Variants in EPB41L5 observed in about 807,000 individuals in gnomAD.
EPB41L5 encodes erythrocyte membrane protein band 4.1 like 5.
In EPB41L5, 55 loss-of-function variants were observed where a neutral mutation model predicts 106.6. That is an observed-to-expected ratio of 0.52 (90% CI 0.42 to 0.65). The LOEUF (loss-of-function observed/expected upper bound fraction) is 0.65. Ranked by LOEUF, EPB41L5 falls within the 30% of genes least tolerant of loss-of-function variation. EPB41L5 has a pLI of 0.00. For synonymous variants in EPB41L5, 297 were observed against 306.7 expected (o/e 0.97, Z 0.33); for missense variants, 871 against 882.1 (o/e 0.99, Z 0.16).
chr2:120,033,799 A>G (rs1414780057), intron 2 of EPB41L5, among the ~76,000 whole-genome samples: 1 of 151,688 alleles, frequency 6.6e-6, no homozygotes, highest in Admixed American at 6.6e-5. Flanking sequence ...CCTAAAATAG[A>G]TTGTGCATTG....
intron 10 of EPB41L5, among the ~76,000 whole-genome samples, chr2:120,083,754 T>C (rs533558958): frequency 6.6e-6 from 1 of 152,228 alleles, no homozygotes; most frequent in African/African-American, 2.4e-5. Flanking sequence ...TGTAGGTCTC[T>C]AAGCACTTGC....
At chr2:120,026,382 T>C (rs1333915401) in intron 2 of EPB41L5, among the ~76,000 whole-genome samples, 1 of 151,990 alleles carries the variant, frequency 6.6e-6, no homozygotes, top group African/African-American at 2.4e-5. Flanking sequence ...TGTTTGTTTG[T>C]TTTTGATACG....
chr2:120,082,304 G>A (rs1682730090), intron 10 of EPB41L5, among the ~76,000 whole-genome samples: 1 of 152,154 alleles, frequency 6.6e-6, no homozygotes, highest in Admixed American at 6.5e-5. Context: ...AATTTATTGA[G>A]AGTTTTTACC....
chr2:120,055,107 C>T (rs926770097), intron 3 of EPB41L5, among the ~76,000 whole-genome samples: 2 of 152,148 alleles, frequency 1.3e-5, no homozygotes, highest in African/African-American at 4.8e-5. Context: ...AGGCAATCCG[C>T]CTGCCTCGGC....
intron 20 of EPB41L5, 39 bp downstream of exon 20, chr2:120,146,328 A>G (rs202219524): frequency 2.1e-6 from 3 of 1,458,336 alleles, no homozygotes; most frequent in African/African-American, 2.8e-5. Context: ...TGATGTTCTT[A>G]TCTATCTTTG....
At chr2:120,118,436 T>C (rs370883158) in intron 16 of EPB41L5, among the ~76,000 whole-genome samples, 1 of 152,168 alleles carries the variant, frequency 6.6e-6, no homozygotes, top group African/African-American at 2.4e-5. Context: ...CCATGGTGTT[T>C]TGCTGCACAG....
intron 16 of EPB41L5, among the ~76,000 whole-genome samples, chr2:120,116,167 C>G (rs1684938750): frequency 6.6e-6 from 1 of 152,132 alleles, no homozygotes; most frequent in Non-Finnish European, 1.5e-5. Context: ...ACATTAAATA[C>G]CAATTTAATG....
chr2:120,080,911 C>T (rs1158977816), intron 10 of EPB41L5, among the ~76,000 whole-genome samples: 3 of 151,956 alleles, frequency 2.0e-5, no homozygotes, highest in South Asian at 4.1e-4. Context: ...TCTTCTTTTG[C>T]GAAATGTCTG....
At chr2:120,116,404 C>T (rs1174032841) in intron 16 of EPB41L5, among the ~76,000 whole-genome samples, 1 of 152,120 alleles carries the variant, frequency 6.6e-6, no homozygotes, top group Non-Finnish European at 1.5e-5. Context: ...GTCTTCTGCA[C>T]CAATCTGGTT....
chr2:120,097,401 G>A (rs1574658819), intron 14 of EPB41L5, among the ~76,000 whole-genome samples: 2 of 152,190 alleles, frequency 1.3e-5, no homozygotes, highest in South Asian at 4.1e-4. Context: ...GTTTGAAAAG[G>A]CACAACTATT....
intron 2 of EPB41L5, among the ~76,000 whole-genome samples, chr2:120,034,465 A>G (rs1454070732): frequency 6.6e-6 from 1 of 152,236 alleles, no homozygotes; most frequent in Non-Finnish European, 1.5e-5. Context: ...AGATGAATTC[A>G]GCAGAAGACT....
At chr2:120,150,490 T>C (rs1686622910) in intron 20 of EPB41L5, among the ~76,000 whole-genome samples, 2 of 151,086 alleles carry the variant, frequency 1.3e-5, no homozygotes, top group Admixed American at 6.6e-5. Context: ...CCCAGCTAAT[T>C]TAAAAAAAAA....
chr2:120,075,673 G>T, intron 6 of EPB41L5, 28 bp from the exon 7 acceptor site: 2 of 1,597,592 alleles, frequency 1.3e-6, no homozygotes, highest in Non-Finnish European at 1.7e-6. Context: ...AAATCAACTT[G>T]TCTAACAAAC....
At chr2:120,155,464 AAT>A (rs941259771) in intron 20 of EPB41L5, among the ~76,000 whole-genome samples, 1 of 152,100 alleles carries the variant, frequency 6.6e-6, no homozygotes, top group African/African-American at 2.4e-5. Flanking sequence ...CAGTTTAATT[AAT>A]ATGTCTGTTG....
intron 2 of EPB41L5, among the ~76,000 whole-genome samples, chr2:120,037,068 T>C (rs1253918609): frequency 6.6e-6 from 1 of 151,952 alleles, no homozygotes. Context: ...CATGATCTTA[T>C]ATGTAGAAAA....
At chr2:120,087,602 A>G (rs942384892) in intron 11 of EPB41L5, among the ~76,000 whole-genome samples, 1 of 152,150 alleles carries the variant, frequency 6.6e-6, no homozygotes, top group African/African-American at 2.4e-5. Context: ...CTGCTCACTC[A>G]GCCTCCTGAG....
At position 120,127,795 on chromosome 2, in the gene EPB41L5, A is replaced by G; in HGVS notation, c.1445A>G (p.Asp482Gly). The G allele has an allele frequency of 6.2e-7, 1 of 1,613,340 alleles. No individual in the cohort carries two copies. The highest frequency in any genetic ancestry group is 8.5e-7 in the Non-Finnish European group (1 of 1,179,484). ...ATGGAAACATCCCAAGCACTGAATGACGTTAATGTAGCCACCAGGCTTCCG... is the reference window on the plus strand; with the variant it reads ...ATGGAAACATCCCAAGCACTGAATGGCGTTAATGTAGCCACCAGGCTTCCG... The part of the protein sequence containing the change: ...DTMETSQALN[D>G]VNVATRLPGL... The change falls in exon 17 of 25, where the codon GAC becomes GGC. Residue 482 changes from aspartate to glycine, a missense_variant. Asp to Gly is a moderately conservative substitution (Grantham distance 94, BLOSUM62 -1). Transcript: ENST00000263713.
intron 3 of EPB41L5, among the ~76,000 whole-genome samples, chr2:120,056,956 A>T (rs999565730): frequency 6.6e-6 from 1 of 151,976 alleles, no homozygotes; most frequent in African/African-American, 2.4e-5. Flanking sequence ...GAGTGTAGTG[A>T]CGCCATCACA....
chr2:120,032,003 G>A (rs1477188565), intron 2 of EPB41L5, among the ~76,000 whole-genome samples: 1 of 152,046 alleles, frequency 6.6e-6, no homozygotes, highest in Non-Finnish European at 1.5e-5. Context: ...GTTCATTAGA[G>A]GCATAAAGGA....
Sources: allele counts gnomAD v4.1 joint callset (sites outside exome capture counted in the v4.1 genomes callset), GRCh38; gene constraint gnomAD v4.1.1; transcripts MANE v1.5; gene names NCBI Gene and HGNC (gene_info 2026-07-23, HGNC 2026-07-21).